Variants in CACNB4 observed in about 807,000 individuals in gnomAD.
CACNB4 encodes voltage-dependent L-type calcium channel subunit beta-4.
CACNB4 carries 32 observed loss-of-function variants against 71.2 expected under a neutral mutation model. The observed-to-expected ratio is 0.45, with a 90% CI of 0.34 to 0.60. CACNB4 has a LOEUF of 0.60. CACNB4 is among the 20% of genes least tolerant of loss of function. The pLI is 0.01. For synonymous variants in CACNB4, 231 were observed against 236.9 expected, an observed-to-expected ratio of 0.97 and a Z score of 0.23; for missense variants, 464 against 647.9, an observed-to-expected ratio of 0.72 and a Z score of 3.08.
At chr2:152,076,136 CTTTTTTTTTTTTTTTTT>C (rs35400714) in intron 2 of CACNB4, among the ~76,000 whole-genome samples, 1 of 71,202 alleles carries the variant, frequency 1.4e-5, no homozygotes. Flanking sequence ...CACCTCTTTT[CTTTTTTTTTTTTTTTTT>C]TTTTTTTGAG....
At chr2:152,054,320 C>T (rs1053525306) in intron 2 of CACNB4, among the ~76,000 whole-genome samples, 9 of 137,792 alleles carry the variant, frequency 6.5e-5, no homozygotes, top group African/African-American at 1.9e-4. Context: ...GAGCCGAGAT[C>T]GCGCCACTGC....
At chr2:151,883,684 G>A (rs527948839) in intron 2 of CACNB4, 17 of 360,150 alleles carry the variant, frequency 4.7e-5, no homozygotes, top group South Asian at 1.0e-4. Context: ...CTTGTGAAAC[G>A]TTAGTTTTCA....
chr2:151,880,540 G>A, intron 4 of CACNB4: 1 of 459,016 alleles, frequency 2.2e-6, no homozygotes. Context: ...GTGCCCAGAG[G>A]ACCATAGAGG....
At chr2:151,989,254 C>T (rs1313394370) in intron 2 of CACNB4, among the ~76,000 whole-genome samples, 1 of 152,218 alleles carries the variant, frequency 6.6e-6, no homozygotes, top group African/African-American at 2.4e-5. Context: ...CCTGGCCTTG[C>T]CTCTTCCAGC....
intron 2 of CACNB4, among the ~76,000 whole-genome samples, chr2:152,091,201 G>A (rs192423037): frequency 8.5e-5 from 13 of 152,246 alleles, no homozygotes; most frequent in African/African-American, 2.9e-4. Flanking sequence ...ACAAGAAGAA[G>A]CACAGTTTGC....
intron 2 of CACNB4, among the ~76,000 whole-genome samples, chr2:151,945,950 G>T (rs2099865480): frequency 6.6e-6 from 1 of 151,552 alleles, no homozygotes; most frequent in African/African-American, 2.4e-5. Flanking sequence ...AACAGCACTG[G>T]CACAAAGCAC....
intron 2 of CACNB4, among the ~76,000 whole-genome samples, chr2:151,962,207 T>G (rs2099869843): frequency 6.6e-6 from 1 of 152,212 alleles, no homozygotes; most frequent in African/African-American, 2.4e-5. Context: ...AGCTGCATCC[T>G]TCTCAAGGTA....
intron 2 of CACNB4, among the ~76,000 whole-genome samples, chr2:151,912,399 G>A (rs2099856415): frequency 6.6e-6 from 1 of 152,084 alleles, no homozygotes; most frequent in South Asian, 2.1e-4. Flanking sequence ...AGAACTTCTT[G>A]ATTTCTGCCT....
intron 2 of CACNB4, among the ~76,000 whole-genome samples, chr2:151,965,977 T>G (rs2099870987): frequency 6.6e-6 from 1 of 152,200 alleles, no homozygotes; most frequent in Admixed American, 6.5e-5. Context: ...AGACTCAAGG[T>G]CCGAACACTG....
At chr2:151,854,925 T>G in intron 11 of CACNB4, 1 of 225,432 alleles carries the variant, frequency 4.4e-6, no homozygotes, top group Non-Finnish European at 8.6e-6. Flanking sequence ...AATATAGAAT[T>G]CATAGTCTAT....
chr2:152,018,935 T>C (rs1260674979), intron 2 of CACNB4, among the ~76,000 whole-genome samples: 1 of 152,056 alleles, frequency 6.6e-6, no homozygotes, highest in Non-Finnish European at 1.5e-5. Context: ...TCATTCTCTC[T>C]TAGGCAAGAG....
intron 2 of CACNB4, among the ~76,000 whole-genome samples, chr2:151,944,687 G>A (rs2099865145): frequency 6.6e-6 from 1 of 152,200 alleles, no homozygotes; most frequent in African/African-American, 2.4e-5. Context: ...AGATACTCAG[G>A]AGGGTGAGGC....
At position 151,970,871 on chromosome 2, in the gene CACNB4, C is replaced by T. The variant is rs1275698181; in HGVS notation, c.148-87501G>A. ...ATGATCTTTTGCACTTCCTTGTAAT[C>T]CAGATTCTTAACTACCCTCCTGGAC... On this transcript the variant is annotated intron_variant, in intron 2 of 13. Transcript: ENST00000539935. 2.0e-5 allele frequency: 3 copies of T among 152,350 alleles called. 1 individual carries two copies. Among genetic ancestry groups the T allele is most frequent in the South Asian group, 4.1e-4 (2 of 4,836 alleles). The allele number at this position is 152,350 out of a possible 1,614,324, so 9.4% of individuals were successfully genotyped here.
At chr2:152,063,314 C>T (rs1183514982) in intron 2 of CACNB4, among the ~76,000 whole-genome samples, 1 of 152,178 alleles carries the variant, frequency 6.6e-6, no homozygotes, top group Non-Finnish European at 1.5e-5. Context: ...ATACTAAATG[C>T]TTACTATGTG....
chr2:151,842,615 G>A (rs1020967273), intron 12 of CACNB4, among the ~76,000 whole-genome samples: 3 of 152,122 alleles, frequency 2.0e-5, no homozygotes, highest in Non-Finnish European at 4.4e-5. Context: ...TTACAGGCAT[G>A]AGCCACAGCG....
At chr2:151,887,817 C>A (rs946908419) in intron 2 of CACNB4, among the ~76,000 whole-genome samples, 1 of 152,138 alleles carries the variant, frequency 6.6e-6, no homozygotes, top group Non-Finnish European at 1.5e-5. Flanking sequence ...AACATCATTT[C>A]TTTTTCAACA....
chr2:151,849,649 T>C lies in CACNB4; in HGVS notation c.1116+3799A>G, dbSNP rs72621647. 6.0e-3 allele frequency among the ~76,000 whole-genome samples: 909 copies of C among 152,214 alleles called. 34 individuals carry two copies. The East Asian group carries it at 0.11, about 19-fold the overall frequency. On this transcript the variant is annotated intron_variant, in intron 12 of 13. Transcript: ENST00000539935. The stretch of plus-strand genomic sequence containing the variant: ...GTATCTATGCCCAGGCTGTAAAAGA[T>C]TGGAATCTTTGCTCATGGAGCCTGG...
intron 4 of CACNB4, among the ~76,000 whole-genome samples, chr2:151,876,766 ATATTT>A (rs1216228181): frequency 1.7e-3 from 143 of 83,098 alleles, no homozygotes; most frequent in Admixed American, 3.8e-3. Flanking sequence ...TGTGTATACT[ATATTT>A]TATATACTAT....
At chr2:152,026,794 C>G (rs781692876) in intron 2 of CACNB4, among the ~76,000 whole-genome samples, 7 of 152,234 alleles carry the variant, frequency 4.6e-5, no homozygotes, top group Non-Finnish European at 5.9e-5. Flanking sequence ...CTGCTCACTA[C>G]TCCAGACCAA....
Sources: allele counts gnomAD v4.1 joint callset (sites outside exome capture counted in the v4.1 genomes callset), GRCh38; gene constraint gnomAD v4.1.1; transcripts MANE v1.5; gene names NCBI Gene and HGNC (gene_info 2026-07-23, HGNC 2026-07-21).